Variants in CCNK observed in about 807,000 individuals in gnomAD.
CCNK encodes the protein cyclin K, also known as cyclin-K.
A neutral mutation model predicts 65.0 loss-of-function variants in CCNK; 9 were observed. The ratio of observed to expected loss-of-function variants is 0.14; its 90% CI spans 0.08 to 0.24. CCNK has a LOEUF of 0.24. Among genes scored for constraint, CCNK ranks in the 10% least tolerant of loss-of-function variants. The pLI is 1.00. For missense variants in CCNK, 474 were observed against 720.0 expected, an observed-to-expected ratio of 0.66 and a Z score of 3.91; for synonymous variants, 279 against 270.8, an observed-to-expected ratio of 1.03 and a Z score of -0.30.
In CCNK at chr14:99,503,594, AT is replaced by A; in HGVS notation, c.1012-13del. The A allele has an allele frequency of 6.4e-7, 1 of 1,553,938 alleles. No individual in the cohort carries two copies. ...TCAGGATCCCAGTTAACAATTGTGT[AT>A]TTTCTTTTGTAACAGGTTGTTTCTC... On this transcript the variant is annotated splice_polypyrimidine_tract_variant and intron_variant, in intron 8 of 10. Transcript: ENST00000389879.
chr14:99,509,818 C>CA (rs1897074402), intron 10 of CCNK: 1 of 363,978 alleles, frequency 2.7e-6, no homozygotes, highest in East Asian at 5.1e-5. Flanking sequence ...GGCAGAAAAA[C>CA]AGAGGAGCCC....
chr14:99,507,237 CTG>C, intron 10 of CCNK, 90 bp downstream of exon 10: 1 of 826,092 alleles, frequency 1.2e-6, no homozygotes, highest in Non-Finnish European at 2.1e-6. Context: ...AAAAGGGAGA[CTG>C]GGGCCCAGAT....
At position 99,502,630 on chromosome 14, in the gene CCNK, G is replaced by A. The variant is rs775846659; in HGVS notation, c.746-89G>A. Reference sequence around the variant, plus strand: ...AAATGTGATTCATGCTTAGGTCCTCGTAGGGGTATCATAACTGATTCTTTA... The same window carrying A: ...AAATGTGATTCATGCTTAGGTCCTCATAGGGGTATCATAACTGATTCTTTA... On this transcript the variant is annotated intron_variant, in intron 7 of 10. Coordinates refer to ENST00000389879, the MANE Select transcript of CCNK (RefSeq NM_001099402.2). The A allele has an allele frequency of 2.0e-5, 26 of 1,312,698 alleles. 1 individual carries two copies. The highest frequency in any genetic ancestry group is 9.8e-5 in the Admixed American group (5 of 50,882). 81.3% of individuals were successfully genotyped at this position (1,312,698 alleles called of 1,614,324 possible). A position where few individuals can be genotyped will look rare whatever the true frequency, so the allele number is the denominator to read the frequency against.
chr14:99,490,602 T>C (rs3918057), intron 1 of CCNK, among the ~76,000 whole-genome samples: 44 of 152,262 alleles, frequency 2.9e-4, no homozygotes, highest in African/African-American at 9.9e-4. Flanking sequence ...CCATTCCTTA[T>C]TGGTAAATAT....
intron 3 of CCNK, chr14:99,494,309 C>T (rs1405164286): frequency 6.6e-6 from 1 of 152,130 alleles, no homozygotes; most frequent in Non-Finnish European, 1.5e-5. Flanking sequence ...ATGATGAGAC[C>T]CTGGGTGGAT....
At chr14:99,504,268 T>C (rs1328807883) in intron 9 of CCNK, 2 of 156,118 alleles carry the variant, frequency 1.3e-5, no homozygotes, top group Non-Finnish European at 2.9e-5. Flanking sequence ...GCACAGACCC[T>C]ATTGACTCAT....
intron 1 of CCNK, among the ~76,000 whole-genome samples, chr14:99,491,081 T>G (rs757136496): frequency 7.2e-5 from 11 of 152,182 alleles, no homozygotes; most frequent in Non-Finnish European, 1.6e-4. Flanking sequence ...AGCTGTGGGG[T>G]ATGCTATTGT....
At position 99,501,393 on chromosome 14, in the gene CCNK, A is replaced by T. The variant is rs761862068; in HGVS notation, c.555A>T (p.Ala185=). 3.7e-6 allele frequency: 6 copies of T among 1,605,300 alleles called. No homozygotes were observed. The East Asian group carries it at 1.3e-4, about 36-fold the overall frequency. Residue 185 remains alanine (A), a synonymous_variant, in exon 6 of 11, where the codon GCA becomes GCT. Transcript: ENST00000389879. The part of the protein sequence containing the change: ...KNKIQKLVQM[A]WTFVNDSLCT... ...AAATTCAAAAGTTGGTTCAAATGGC[A>T]TGGACATTTGTAAATGACAGGTATA...
At chr14:99,482,209 T>C (rs937318796) in intron 1 of CCNK, among the ~76,000 whole-genome samples, 2 of 152,256 alleles carry the variant, frequency 1.3e-5, no homozygotes, top group African/African-American at 4.8e-5. Flanking sequence ...AGGAACTATT[T>C]CTAAGAGCAT....
At chr14:99,483,374 C>A (rs1896403914) in intron 1 of CCNK, among the ~76,000 whole-genome samples, 1 of 152,008 alleles carries the variant, frequency 6.6e-6, no homozygotes, top group Non-Finnish European at 1.5e-5. Flanking sequence ...CATAGTGAGA[C>A]CTCACCACTA....
chr14:99,503,604 G>C lies in CCNK; in HGVS notation c.1012-7G>C, dbSNP rs1288409311. 7.1e-6 allele frequency: 11 copies of C among 1,556,810 alleles called. No homozygotes were observed. Among genetic ancestry groups the C allele is most frequent in the Middle Eastern group, 1.7e-4 (1 of 6,010 alleles). On this transcript the variant is annotated splice_region_variant and splice_polypyrimidine_tract_variant and intron_variant, in intron 8 of 10. Transcript: ENST00000389879. The stretch of plus-strand genomic sequence containing the variant: ...AGTTAACAATTGTGTATTTTCTTTT[G>C]TAACAGGTTGTTTCTCCCAAAGAAG...
Position 99,510,604 on chromosome 14 carries a change from C to T in CCNK, c.1565C>T (p.Pro522Leu). Residue 522 changes from proline (P) to leucine (L), a missense_variant, in exon 11 of 11, where the codon CCA (proline) becomes CTA (leucine). Pro to Leu is a moderately conservative substitution (Grantham distance 98, BLOSUM62 -3). Transcript: ENST00000389879. ...AACCCCAACTTCCCACCCCCACCCC[C>T]ACGCCTCCCGCCTACCCACGCAGTC... is the stretch of plus-strand genomic sequence containing the variant. ...TYNPNFPPPP[P>L]RLPPTHAVPP... 1 of 1,061,414 alleles carries T rather than the reference C, an allele frequency of 9.4e-7. No homozygotes were observed. Among genetic ancestry groups the T allele is most frequent in the Non-Finnish European group, 1.3e-6 (1 of 784,086 alleles). The allele number at this position is 1,061,414 out of a possible 1,614,324, so 65.7% of individuals were successfully genotyped here.
intron 1 of CCNK, among the ~76,000 whole-genome samples, chr14:99,485,979 A>G (rs1896475250): frequency 6.6e-6 from 1 of 152,232 alleles, no homozygotes; most frequent in Non-Finnish European, 1.5e-5. Flanking sequence ...TTATATGTGT[A>G]TATATGTATT....
chr14:99,482,645 A>G (rs1896376446), intron 1 of CCNK, among the ~76,000 whole-genome samples: 2 of 152,136 alleles, frequency 1.3e-5, no homozygotes, highest in Admixed American at 1.3e-4. Context: ...ATTCAAGCAT[A>G]TTAGTTGATT....
chr14:99,494,323 T>C (rs1896655645), intron 3 of CCNK: 1 of 152,170 alleles, frequency 6.6e-6, no homozygotes, highest in African/African-American at 2.4e-5. Context: ...GGTGGATAGG[T>C]AGACTGGGTC....
At position 99,481,439 on chromosome 14, in the gene CCNK, G is replaced by T. The variant is rs774301183; in HGVS notation, c.-93G>T. 8 of 398,730 alleles carry T rather than the reference G, an allele frequency of 2.0e-5. No individual in the cohort carries two copies. In the Middle Eastern group the frequency reaches 1.9e-3, roughly 94 times the overall value. 24.7% of individuals were successfully genotyped at this position (398,730 alleles called of 1,614,324 possible). A position where few individuals can be genotyped will look rare whatever the true frequency, so the allele number is the denominator to read the frequency against. ...TCCATATACAAGATGGCCGCAGTCG[G>T]CAAGGAGAGACGTCGCTGAGGGGCT... On this transcript the variant is annotated 5_prime_UTR_variant, in exon 1 of 11. Transcript: ENST00000389879.
intron 1 of CCNK, among the ~76,000 whole-genome samples, chr14:99,488,495 A>G (rs940909539): frequency 2.0e-5 from 3 of 152,144 alleles, no homozygotes; most frequent in Non-Finnish European, 4.4e-5. Flanking sequence ...TACCACCAGT[A>G]TTTATTGTAA....
intron 4 of CCNK, among the ~76,000 whole-genome samples, chr14:99,497,206 A>G (rs1384980578): frequency 6.6e-6 from 1 of 151,938 alleles, no homozygotes; most frequent in Non-Finnish European, 1.5e-5. Flanking sequence ...CATGTAGTCT[A>G]TTTTCATAGC....
At chr14:99,485,350 A>G (rs1411428839) in intron 1 of CCNK, among the ~76,000 whole-genome samples, 1 of 152,164 alleles carries the variant, frequency 6.6e-6, no homozygotes, top group Non-Finnish European at 1.5e-5. Context: ...CTCAACAGAT[A>G]TCTTGGCATT....
Sources: gnomAD v4.1 joint callset for allele counts (sites outside exome capture counted in the v4.1 genomes callset) on GRCh38, gnomAD v4.1.1 for gene constraint, MANE v1.5 for transcripts, NCBI Gene and HGNC (gene_info 2026-07-23, HGNC 2026-07-21) for gene names.